Variants in LRBA observed in about 807,000 individuals in gnomAD.
LRBA encodes LPS responsive beige-like anchor protein.
A neutral mutation model predicts 330.0 loss-of-function variants in LRBA; 176 were observed. The observed-to-expected ratio is 0.53, with a 90% CI of 0.47 to 0.60. The LOEUF (loss-of-function observed/expected upper bound fraction) is 0.60. Among genes scored for constraint, LRBA ranks in the 20% least tolerant of loss-of-function variants. The probability of loss-of-function intolerance (pLI) is 0.00; values close to 1 mark genes in which losing one functional copy is unlikely to be tolerated. For missense variants in LRBA, 3,259 were observed against 3,444.8 expected, an observed-to-expected ratio of 0.95 and a Z score of 1.35; for synonymous variants, 1,230 against 1,193.0, an observed-to-expected ratio of 1.03 and a Z score of -0.64.
At chr4:150,808,555 A>C (rs778947699) in intron 31 of LRBA, among the ~76,000 whole-genome samples, 157 bp from the exon 32 acceptor site, 7 of 152,186 alleles carry the variant, frequency 4.6e-5, no homozygotes, top group Non-Finnish European at 8.8e-5. Context: ...ATTAACAACT[A>C]AATGCTTTCA....
At chr4:150,585,133 T>C (rs1036110798) in intron 40 of LRBA, among the ~76,000 whole-genome samples, 1 of 152,222 alleles carries the variant, frequency 6.6e-6, no homozygotes, top group South Asian at 2.1e-4. Context: ...CAAAGTCAGT[T>C]GATACTTTTC....
intron 40 of LRBA, among the ~76,000 whole-genome samples, chr4:150,503,313 G>A (rs141515585): frequency 0.16 from 24,254 of 152,152 alleles, 1,949 homozygotes; most frequent in Middle Eastern, 0.18. Context: ...CAGTAGGGGC[G>A]GACTGACACC....
At chr4:150,397,803 G>C (rs1260053500) in intron 47 of LRBA, among the ~76,000 whole-genome samples, 1 of 152,138 alleles carries the variant, frequency 6.6e-6, no homozygotes, top group African/African-American at 2.4e-5. Flanking sequence ...TACAGGTTGA[G>C]AGTAATAATA....
At chr4:150,346,759 A>AC (rs1306511512) in intron 48 of LRBA, among the ~76,000 whole-genome samples, 1 of 26,352 alleles carries the variant, frequency 3.8e-5, no homozygotes, top group Non-Finnish European at 1.4e-4. Context: ...CTCTGTCTCA[A>AC]AAAAAAAAAA....
intron 37 of LRBA, among the ~76,000 whole-genome samples, chr4:150,601,852 C>A (rs558069057): frequency 6.6e-6 from 1 of 151,898 alleles, no homozygotes; most frequent in Non-Finnish European, 1.5e-5. Context: ...CCACCATGCC[C>A]GGCTAATTTT....
chr4:150,801,451 T>G (rs999126492), intron 33 of LRBA, among the ~76,000 whole-genome samples: 1 of 152,242 alleles, frequency 6.6e-6, no homozygotes, highest in African/African-American at 2.4e-5. Context: ...GACAGACATC[T>G]TCTTTGCTTG....
chr4:150,971,187 T>C (rs552075620), intron 2 of LRBA, among the ~76,000 whole-genome samples: 2 of 152,338 alleles, frequency 1.3e-5, no homozygotes, highest in South Asian at 4.1e-4. Flanking sequence ...TGCTACTACT[T>C]TTCTCTGGCA....
intron 48 of LRBA, among the ~76,000 whole-genome samples, chr4:150,340,106 T>C (rs1735314412): frequency 6.6e-6 from 1 of 152,098 alleles, no homozygotes; most frequent in Non-Finnish European, 1.5e-5. Flanking sequence ...TATGTTTGCT[T>C]CCCCTTTCAC....
chr4:150,482,010 C>A (rs1181012739), intron 42 of LRBA, among the ~76,000 whole-genome samples: 1 of 151,992 alleles, frequency 6.6e-6, no homozygotes, highest in Non-Finnish European at 1.5e-5. Flanking sequence ...TTTACACATT[C>A]TTTGTTGTTG....
intron 37 of LRBA, among the ~76,000 whole-genome samples, chr4:150,677,817 AAAAAG>A (rs1182705462): frequency 1.0e-3 from 66 of 65,238 alleles, no homozygotes; most frequent in African/African-American, 3.3e-3. Context: ...AAAAAAAAAG[AAAAAG>A]AAAAAGAAAA....
chr4:150,410,849 A>T (rs1268049294), intron 47 of LRBA, among the ~76,000 whole-genome samples: 2 of 152,154 alleles, frequency 1.3e-5, no homozygotes, highest in African/African-American at 4.8e-5. Flanking sequence ...TCCCCAGAGT[A>T]TGGTTTTCTT....
intron 56 of LRBA, among the ~76,000 whole-genome samples, chr4:150,276,364 T>C (rs1746760703): frequency 1.3e-5 from 2 of 152,178 alleles, no homozygotes; most frequent in Middle Eastern, 3.2e-3. Flanking sequence ...ATTCAGGACA[T>C]AGGCATGGGC....
chr4:150,641,494 C>T (rs1778675402), intron 37 of LRBA, among the ~76,000 whole-genome samples: 1 of 152,120 alleles, frequency 6.6e-6, no homozygotes. Flanking sequence ...TCAGTCTTGA[C>T]ATTCATTTCT....
intron 48 of LRBA, among the ~76,000 whole-genome samples, chr4:150,341,816 A>G (rs1366302957): frequency 6.6e-6 from 1 of 151,700 alleles, no homozygotes; most frequent in Non-Finnish European, 1.5e-5. Flanking sequence ...ACTATTTCAT[A>G]CTAAGATACT....
At chr4:150,639,611 C>G (rs1194531496) in intron 37 of LRBA, among the ~76,000 whole-genome samples, 1 of 135,552 alleles carries the variant, frequency 7.4e-6, no homozygotes, top group Non-Finnish European at 1.6e-5. Flanking sequence ...AAAAAAAATT[C>G]TAGACATTCC....
At chr4:150,503,285 T>G (rs1760550214) in intron 40 of LRBA, among the ~76,000 whole-genome samples, 1 of 152,146 alleles carries the variant, frequency 6.6e-6, no homozygotes, top group Non-Finnish European at 1.5e-5. Flanking sequence ...CCGAGTAGCC[T>G]AACTGGGAGG....
chr4:150,745,796 C>G (rs550068462), intron 35 of LRBA, among the ~76,000 whole-genome samples: 1 of 151,824 alleles, frequency 6.6e-6, no homozygotes, highest in Non-Finnish European at 1.5e-5. Context: ...TTACAGGCGT[C>G]AGCCACTGCG....
intron 40 of LRBA, among the ~76,000 whole-genome samples, chr4:150,497,754 T>C (rs1759761431): frequency 6.6e-6 from 1 of 152,140 alleles, no homozygotes; most frequent in African/African-American, 2.4e-5. Context: ...GTGTGGACGA[T>C]GGGGCAGTTG....
chr4:150,445,142 T>G (rs1274262984), intron 44 of LRBA, among the ~76,000 whole-genome samples: 4 of 152,034 alleles, frequency 2.6e-5, no homozygotes, highest in Non-Finnish European at 4.4e-5. Context: ...AAAAACCAGT[T>G]AAGGCCATTA....
Sources: allele counts gnomAD v4.1 joint callset (sites outside exome capture counted in the v4.1 genomes callset), GRCh38; gene constraint gnomAD v4.1.1; transcripts MANE v1.5; gene names NCBI Gene and HGNC (gene_info 2026-07-23, HGNC 2026-07-21).